Variants in ADGRF3 observed in about 807,000 individuals in gnomAD.
The protein encoded by ADGRF3 is adhesion G protein-coupled receptor F3.
A neutral mutation model predicts 93.2 loss-of-function variants in ADGRF3; 85 were observed. The ratio of observed to expected loss-of-function variants is 0.91; its 90% CI spans 0.77 to 1.09. ADGRF3 has a LOEUF of 1.09. Among genes scored for constraint, ADGRF3 ranks in the 50% least tolerant of loss-of-function variants. The pLI, the probability that ADGRF3 is intolerant of heterozygous loss-of-function variation, is 0.00. For synonymous variants in ADGRF3, 534 were observed against 532.5 expected, an observed-to-expected ratio of 1.00 and a Z score of -0.04; for missense variants, 1,125 against 1,246.2, an observed-to-expected ratio of 0.90 and a Z score of 1.46.
At chr2:26,312,603 G>A (rs1475379520) in intron 9 of ADGRF3, among the ~76,000 whole-genome samples, 1 of 152,244 alleles carries the variant, frequency 6.6e-6, no homozygotes, top group African/African-American at 2.4e-5. Flanking sequence ...AGCCGATTTA[G>A]GTGAGCCCAG....
At chr2:26,310,554 G>T in intron 10 of ADGRF3, 138 bp downstream of exon 10, 1 of 866,708 alleles carries the variant, frequency 1.2e-6, no homozygotes, top group Non-Finnish European at 1.8e-6. Flanking sequence ...TGGAGGAACT[G>T]GGATCCACAC....
chr2:26,327,564 A>T (rs1175434008), intron 1 of ADGRF3, among the ~76,000 whole-genome samples: 5 of 136,380 alleles, frequency 3.7e-5, no homozygotes, highest in Non-Finnish European at 6.3e-5. Context: ...TTTTTTTTTT[A>T]AATAAGGCAT....
chr2:26,328,460 T>G (rs908655592), intron 1 of ADGRF3, among the ~76,000 whole-genome samples: 3 of 132,642 alleles, frequency 2.3e-5, no homozygotes, highest in Non-Finnish European at 3.4e-5. Context: ...TTTAGTTTTT[T>G]TTTTTTTTTT....
chr2:26,337,788 C>A (rs1397633122), intron 1 of ADGRF3, among the ~76,000 whole-genome samples: 2 of 152,006 alleles, frequency 1.3e-5, no homozygotes, highest in African/African-American at 4.8e-5. Flanking sequence ...TTTGGGAGGC[C>A]GAGGCAGGCG....
At chr2:26,315,899 G>T in intron 4 of ADGRF3, 159 bp from the exon 5 acceptor site, 1 of 1,106,028 alleles carries the variant, frequency 9.0e-7, no homozygotes, top group Non-Finnish European at 1.3e-6. Context: ...GCACCTGAAT[G>T]TGGCTGCTGC....
chr2:26,339,464 C>A (rs533983024), intron 1 of ADGRF3, among the ~76,000 whole-genome samples: 1 of 152,148 alleles, frequency 6.6e-6, no homozygotes, highest in South Asian at 2.1e-4. Flanking sequence ...CCACTGCACT[C>A]CAGCCTGGGT....
chr2:26,341,147 G>A (rs890944747), intron 1 of ADGRF3, among the ~76,000 whole-genome samples: 33 of 152,320 alleles, frequency 2.2e-4, no homozygotes, highest in Admixed American at 1.0e-3. Context: ...GTGTGGCCAA[G>A]GTGGGTGGAT....
chr2:26,326,060 G>A (rs1399400892), intron 1 of ADGRF3, among the ~76,000 whole-genome samples: 3 of 152,324 alleles, frequency 2.0e-5, no homozygotes, highest in African/African-American at 7.2e-5. Flanking sequence ...TAATAGGAAA[G>A]CAGACATGAG....
rs1427025481 is a variant in ADGRF3, at chr2:26,311,322, G to A, written c.2202C>T (p.Asn734=). ...CGGCGTGGCGGAAATAGGAGATCTT[G>A]TTCCGCACCACGACTCTCCACACCA... The part of the protein sequence containing the change: ...YWLVWRVVVR[N]KISYFRHAAL... Residue 734 remains asparagine, a synonymous_variant, in exon 10 of 14, where the codon AAC becomes AAT. Coordinates refer to ENST00000651242, the MANE Select transcript of ADGRF3 (RefSeq NM_001321971.2). 1 of 1,613,936 alleles carries A rather than the reference G, an allele frequency of 6.2e-7. No individual in the cohort carries two copies. The highest frequency in any genetic ancestry group is 2.2e-5 in the East Asian group (1 of 44,870).
chr2:26,324,298 C>T (rs926380759), intron 1 of ADGRF3, among the ~76,000 whole-genome samples: 1 of 152,124 alleles, frequency 6.6e-6, no homozygotes, highest in Non-Finnish European at 1.5e-5. Flanking sequence ...GGGGTTGCTA[C>T]ATATTAGTTA....
chr2:26,346,048 T>G lies in ADGRF3; in HGVS notation c.114+73A>C. ...GGGCGGGGAGAAGCGTGGGCTGCGC[T>G]TGCGCACTGAGAGGCGGCCGAAGGG... On this transcript the variant is annotated intron_variant, in intron 1 of 13. Coordinates refer to ENST00000651242, the MANE Select transcript of ADGRF3 (RefSeq NM_001321971.2). 2.1e-6 allele frequency: 3 copies of G among 1,453,180 alleles called. No homozygotes were observed. The East Asian group carries it at 7.4e-5, about 36-fold the overall frequency. 90.0% of individuals were successfully genotyped at this position (1,453,180 alleles called of 1,614,324 possible). A position where few individuals can be genotyped will look rare whatever the true frequency, so the allele number is the denominator to read the frequency against.
intron 1 of ADGRF3, among the ~76,000 whole-genome samples, chr2:26,324,262 G>T (rs1675319798): frequency 6.6e-6 from 1 of 152,070 alleles, no homozygotes; most frequent in Admixed American, 6.5e-5. Flanking sequence ...AAAGAAAAAA[G>T]AAAAGAAAGA....
intron 1 of ADGRF3, among the ~76,000 whole-genome samples, chr2:26,337,856 C>T (rs1340508543): frequency 6.6e-6 from 1 of 151,906 alleles, no homozygotes; most frequent in Non-Finnish European, 1.5e-5. Context: ...AAACCTGTCT[C>T]TACTAAAAAT....
At chr2:26,319,038 C>T (rs368688189) in intron 1 of ADGRF3, 242 of 1,551,006 alleles carry the variant, frequency 1.6e-4, no homozygotes, top group Non-Finnish European at 1.9e-4. Flanking sequence ...GTGGGGCAGC[C>T]GAACAGACCA....
chr2:26,336,209 A>G (rs968144353), intron 1 of ADGRF3, among the ~76,000 whole-genome samples: 1 of 152,170 alleles, frequency 6.6e-6, no homozygotes, highest in African/African-American at 2.4e-5. Flanking sequence ...AATCTTGAAG[A>G]TTGAGAGGGA....
At chr2:26,309,934 C>T (rs905954130) in intron 12 of ADGRF3, 109 bp downstream of exon 12, 1 of 1,610,420 alleles carries the variant, frequency 6.2e-7, no homozygotes, top group Non-Finnish European at 8.5e-7. Context: ...AAAACAACCC[C>T]AATCTTCTCT....
At chr2:26,315,179 G>A (rs1674542566) in intron 5 of ADGRF3, among the ~76,000 whole-genome samples, 1 of 152,180 alleles carries the variant, frequency 6.6e-6, no homozygotes, top group African/African-American at 2.4e-5. Flanking sequence ...TGAGGGAGTG[G>A]GAGTGAAAGG....
intron 1 of ADGRF3, chr2:26,318,158 A>C (rs1294306587): frequency 7.3e-7 from 1 of 1,360,756 alleles, no homozygotes; most frequent in Non-Finnish European, 1.0e-6. Context: ...TGGCCCAAGG[A>C]GAGAGAACAT....
At position 26,317,491 on chromosome 2, in the gene ADGRF3, C is replaced by T; in HGVS notation, c.181+5G>A. On this transcript the variant is annotated splice_donor_5th_base_variant and intron_variant, in intron 2 of 13. Transcript: ENST00000651242. Reference sequence around the variant, plus strand: ...CCTCCCTCCTCCTCCTGTCCATACACTCACCCCCTGCTCCATTCTCTTGGT... The same window carrying T: ...CCTCCCTCCTCCTCCTGTCCATACATTCACCCCCTGCTCCATTCTCTTGGT... 1 of 1,588,994 alleles carries T rather than the reference C, an allele frequency of 6.3e-7. No homozygotes were observed. The highest frequency in any genetic ancestry group is 8.6e-7 in the Non-Finnish European group (1 of 1,167,948).
Sources: allele counts gnomAD v4.1 joint callset (sites outside exome capture counted in the v4.1 genomes callset), GRCh38; gene constraint gnomAD v4.1.1; transcripts MANE v1.5; gene names NCBI Gene and HGNC (gene_info 2026-07-23, HGNC 2026-07-21).